UIMC1: variants seen among roughly 807,000 people sequenced by gnomAD.
The protein encoded by UIMC1 is ubiquitin interaction motif containing 1.
In UIMC1, 42 loss-of-function variants were observed where a neutral mutation model predicts 84.9. The observed-to-expected ratio is 0.49, with a 90% CI of 0.39 to 0.64. UIMC1 has a LOEUF of 0.64. Ranked by LOEUF, UIMC1 falls within the 30% of genes least tolerant of loss-of-function variation. The probability of loss-of-function intolerance (pLI) is 0.00; values close to 1 mark genes in which losing one functional copy is unlikely to be tolerated. For synonymous variants in UIMC1, 281 were observed against 293.0 expected (o/e 0.96, Z 0.42); for missense variants, 825 against 847.6 (o/e 0.97, Z 0.33).
intron 1 of UIMC1, among the ~76,000 whole-genome samples, chr5:176,994,616 T>C (rs980807073): frequency 2.0e-5 from 3 of 152,100 alleles, no homozygotes; most frequent in South Asian, 2.1e-4. Context: ...GGATTTTCTT[T>C]AGGTGGCCAC....
chr5:176,937,097 AT>A (rs1763800441), intron 10 of UIMC1, among the ~76,000 whole-genome samples: 1 of 152,236 alleles, frequency 6.6e-6, no homozygotes, highest in Non-Finnish European at 1.5e-5. Context: ...GTCTAACACA[AT>A]TGGCCTTAGA....
chr5:176,909,204 T>G (rs904524647), intron 11 of UIMC1, among the ~76,000 whole-genome samples: 1 of 152,244 alleles, frequency 6.6e-6, no homozygotes, highest in African/African-American at 2.4e-5. Flanking sequence ...AAGAAGTTAC[T>G]AAAAGCCATG....
intron 1 of UIMC1, among the ~76,000 whole-genome samples, chr5:177,011,869 C>T (rs1775555741): frequency 6.6e-6 from 1 of 151,648 alleles, no homozygotes; most frequent in African/African-American, 2.4e-5. Context: ...GGCACAATCT[C>T]AGCTCACCGC....
chr5:177,019,066 G>A (rs935994830), intron 1 of UIMC1, among the ~76,000 whole-genome samples: 1 of 152,136 alleles, frequency 6.6e-6, no homozygotes, highest in Admixed American at 6.6e-5. Context: ...CTAACATAGT[G>A]AGACCCCGTC....
intron 1 of UIMC1, among the ~76,000 whole-genome samples, chr5:177,003,788 TCACA>T: frequency 6.6e-6 from 1 of 152,260 alleles, no homozygotes; most frequent in Non-Finnish European, 1.5e-5. Context: ...GGAAAACCTC[TCACA>T]CAGAGTAGTT....
chr5:176,984,487 C>T (rs1451981841), intron 1 of UIMC1, among the ~76,000 whole-genome samples: 6 of 148,650 alleles, frequency 4.0e-5, no homozygotes, highest in East Asian at 4.1e-4. Flanking sequence ...TCTGCCTGGC[C>T]GCCCCATCTA....
chr5:177,022,331 C>A, intron 1 of UIMC1: 1 of 181,964 alleles, frequency 5.5e-6, no homozygotes, highest in South Asian at 1.2e-4. Flanking sequence ...AGCTGTACTA[C>A]TACTTACTAG....
chr5:176,950,211 T>C (rs1765690026), intron 9 of UIMC1, among the ~76,000 whole-genome samples: 1 of 148,152 alleles, frequency 6.7e-6, no homozygotes, highest in African/African-American at 2.5e-5. Flanking sequence ...GCCATTCTCC[T>C]GCCTCAGCCT....
intron 2 of UIMC1, among the ~76,000 whole-genome samples, chr5:176,981,210 T>C (rs542449946): frequency 6.9e-6 from 1 of 144,350 alleles, no homozygotes; most frequent in South Asian, 2.3e-4. Context: ...AGTGGCGCAA[T>C]CTCGGCTCAC....
rs1410942131 is a variant in UIMC1 at position 177,006,678 on chromosome 5, T to A, written c.-37A>T. The A allele has an allele frequency of 6.6e-6, 1 of 151,600 alleles. No homozygotes were observed. The highest frequency in any genetic ancestry group is 1.5e-5 in the Non-Finnish European group (1 of 67,900). 9.4% of individuals were successfully genotyped at this position (151,600 alleles called of 1,614,324 possible). A position where few individuals can be genotyped will look rare whatever the true frequency, so the allele number is the denominator to read the frequency against. On this transcript the variant is annotated 5_prime_UTR_variant, in exon 1 of 15. Transcript: ENST00000511320. ...CTGGCGCAGGCCGCTCTGTAGACCTTCTCCGGGTTGCCGGGGGTCGCGAGC... is the reference window on the plus strand; with the variant it reads ...CTGGCGCAGGCCGCTCTGTAGACCTACTCCGGGTTGCCGGGGGTCGCGAGC...
At chr5:176,967,517 G>A (rs1768484074) in intron 6 of UIMC1, among the ~76,000 whole-genome samples, 1 of 152,130 alleles carries the variant, frequency 6.6e-6, no homozygotes, top group African/African-American at 2.4e-5. Flanking sequence ...AGGTGATAGG[G>A]AGAAAAGTTA....
At chr5:176,951,162 C>T (rs1765836962) in intron 9 of UIMC1, among the ~76,000 whole-genome samples, 1 of 151,972 alleles carries the variant, frequency 6.6e-6, no homozygotes, top group Non-Finnish European at 1.5e-5. Context: ...GATTCAAACC[C>T]GTGTTCAAAT....
intron 10 of UIMC1, among the ~76,000 whole-genome samples, chr5:176,941,135 T>C (rs953628246): frequency 1.3e-5 from 2 of 152,230 alleles, no homozygotes; most frequent in African/African-American, 2.4e-5. Context: ...AATAATTAAG[T>C]AAATGACAGC....
intron 10 of UIMC1, among the ~76,000 whole-genome samples, chr5:176,939,060 C>T (rs1347344281): frequency 6.6e-6 from 1 of 151,642 alleles, no homozygotes; most frequent in East Asian, 1.9e-4. Context: ...CAAGACCAGC[C>T]TGGGCAACAT....
chr5:176,978,783 A>G lies in UIMC1; in HGVS notation c.148-3303T>C, dbSNP rs116475212. 3.5e-3 allele frequency among the ~76,000 whole-genome samples: 538 copies of G among 152,326 alleles called. 5 individuals carry two copies. The highest frequency in any genetic ancestry group is 0.013 in the African/African-American group (523 of 41,580). On this transcript the variant is annotated intron_variant, in intron 2 of 14. Coordinates refer to ENST00000511320, the MANE Select transcript of UIMC1 (RefSeq NM_001199298.2). Reference sequence around the variant, plus strand: ...AAAAACTACTCCATCATCTTGCTAAATAAAGGACATCTGATTAAACATAAT... The same window carrying G: ...AAAAACTACTCCATCATCTTGCTAAGTAAAGGACATCTGATTAAACATAAT...
chr5:176,905,574 T>C, intron 14 of UIMC1, 82 bp from the exon 15 acceptor site: 2 of 1,261,866 alleles, frequency 1.6e-6, no homozygotes, highest in Non-Finnish European at 2.2e-6. Context: ...CAGGGGATTT[T>C]ACATATCAGG....
intron 10 of UIMC1, among the ~76,000 whole-genome samples, chr5:176,918,089 G>A (rs1448908073): frequency 2.0e-5 from 3 of 152,170 alleles, no homozygotes; most frequent in African/African-American, 7.2e-5. Context: ...AGTTCCCATT[G>A]GATAGTGCTG....
chr5:176,971,323 C>T (rs1381103642), intron 3 of UIMC1, among the ~76,000 whole-genome samples: 2 of 152,198 alleles, frequency 1.3e-5, no homozygotes, highest in African/African-American at 4.8e-5. Flanking sequence ...TCCCTAGTGA[C>T]AAGAATGTGG....
intron 10 of UIMC1, among the ~76,000 whole-genome samples, chr5:176,916,009 C>G (rs746732447): frequency 6.6e-6 from 1 of 152,066 alleles, no homozygotes; most frequent in South Asian, 2.1e-4. Context: ...TAGGACTATA[C>G]GGTAATTCTA....
Sources: allele counts gnomAD v4.1 joint callset (sites outside exome capture counted in the v4.1 genomes callset), GRCh38; gene constraint gnomAD v4.1.1; transcripts MANE v1.5; gene names NCBI Gene and HGNC (gene_info 2026-07-23, HGNC 2026-07-21).